PTPRT: variants seen among roughly 807,000 people sequenced by gnomAD.
PTPRT encodes receptor-type tyrosine-protein phosphatase T.
A neutral mutation model predicts 176.8 loss-of-function variants in PTPRT; 56 were observed. That is an observed-to-expected ratio of 0.32 (90% CI 0.26 to 0.40). The LOEUF (loss-of-function observed/expected upper bound fraction) is 0.40. PTPRT is among the 10% of genes least tolerant of loss of function. The pLI is 1.00. For missense variants in PTPRT, 1,540 were observed against 1,908.2 expected (o/e 0.81, Z 3.60); for synonymous variants, 783 against 739.0 (o/e 1.06, Z -0.96).
At chr20:43,154,399 C>T (rs2014455001) in intron 1 of PTPRT, among the ~76,000 whole-genome samples, 1 of 152,156 alleles carries the variant, frequency 6.6e-6, no homozygotes, top group Non-Finnish European at 1.5e-5. Flanking sequence ...AATGCCAGTA[C>T]CATGCTGCTT....
At chr20:42,113,244 A>G (rs906541583) in intron 22 of PTPRT, among the ~76,000 whole-genome samples, 4 of 152,228 alleles carry the variant, frequency 2.6e-5, no homozygotes, top group Admixed American at 6.5e-5. Flanking sequence ...AAGAAAATGT[A>G]ACACGAGAAA....
intron 9 of PTPRT, among the ~76,000 whole-genome samples, chr20:42,444,038 C>T (rs2059341650): frequency 6.6e-6 from 1 of 152,126 alleles, no homozygotes; most frequent in Non-Finnish European, 1.5e-5. Context: ...CCTCCTAGGG[C>T]TTTCCATTCC....
intron 17 of PTPRT, among the ~76,000 whole-genome samples, chr20:42,160,092 A>G (rs1258935646): frequency 6.6e-6 from 1 of 152,138 alleles, no homozygotes; most frequent in Admixed American, 6.5e-5. Context: ...TACTGCACAC[A>G]GCAAAACTGA....
intron 1 of PTPRT, among the ~76,000 whole-genome samples, chr20:42,887,335 C>CA (rs2079119520): frequency 6.6e-6 from 1 of 152,128 alleles, no homozygotes; most frequent in Non-Finnish European, 1.5e-5. Flanking sequence ...CATGTGAGGA[C>CA]ACAAGGAGAA....
chr20:42,486,493 T>C (rs1484588144), intron 7 of PTPRT, among the ~76,000 whole-genome samples: 2 of 152,204 alleles, frequency 1.3e-5, no homozygotes, highest in Admixed American at 1.3e-4. Flanking sequence ...AAAATAATTT[T>C]ACCCTTCCTG....
intron 1 of PTPRT, among the ~76,000 whole-genome samples, chr20:43,153,566 A>G (rs2014428530): frequency 6.6e-6 from 1 of 152,224 alleles, no homozygotes; most frequent in East Asian, 1.9e-4. Context: ...AACTCACATT[A>G]TACATTATTA....
intron 3 of PTPRT, among the ~76,000 whole-genome samples, chr20:42,787,298 T>C (rs552424127): frequency 6.6e-6 from 1 of 152,000 alleles, no homozygotes; most frequent in East Asian, 1.9e-4. Context: ...ATAATGGGAG[T>C]AAACCAGGGT....
At chr20:42,353,143 GC>G (rs2058310766) in intron 9 of PTPRT, among the ~76,000 whole-genome samples, 1 of 152,174 alleles carries the variant, frequency 6.6e-6, no homozygotes, top group African/African-American at 2.4e-5. Context: ...AAGTGCAGTA[GC>G]CCCGTGAGGC....
intron 11 of PTPRT, among the ~76,000 whole-genome samples, chr20:42,328,723 A>G (rs746489900): frequency 1.0e-4 from 13 of 128,926 alleles, no homozygotes; most frequent in Non-Finnish European, 2.2e-4. Flanking sequence ...CTGGAGGTCT[A>G]GTGTTTGAGG....
At chr20:42,624,005 C>CAAAAAAAAAAAA (rs1159094345) in intron 7 of PTPRT, among the ~76,000 whole-genome samples, 24 of 135,742 alleles carry the variant, frequency 1.8e-4, no homozygotes, top group South Asian at 2.3e-4. Context: ...AAAACAATAG[C>CAAAAAAAAAAAA]AACAAACAAA....
In PTPRT at chr20:42,142,095, G is replaced by A. The variant is rs548769819; in HGVS notation, c.2683-93C>T. The A allele has an allele frequency of 8.4e-5, 84 of 1,000,322 alleles. 1 individual carries two copies. In the African/African-American group the frequency reaches 1.1e-3, roughly 13 times the overall value. The allele number at this position is 1,000,322 out of a possible 1,614,324, so 62.0% of individuals were successfully genotyped here. A position where few individuals can be genotyped will look rare whatever the true frequency, so the allele number is the denominator to read the frequency against. On this transcript the variant is annotated intron_variant, in intron 17 of 30. Transcript: ENST00000373187. Reference sequence around the variant, plus strand: ...AACAGGGCAAAGTAAGACCCACTGCGATGGGACTCCTAGTGGAAAGGGATA... The same window carrying A: ...AACAGGGCAAAGTAAGACCCACTGCAATGGGACTCCTAGTGGAAAGGGATA...
chr20:42,294,948 A>C (rs1471939730), intron 12 of PTPRT, among the ~76,000 whole-genome samples: 5 of 152,190 alleles, frequency 3.3e-5, no homozygotes, highest in Non-Finnish European at 7.4e-5. Context: ...GAGATATAGA[A>C]AAAATTAACA....
chr20:42,128,741 T>A lies in PTPRT; in HGVS notation c.2847+13A>T. 2 of 1,580,432 alleles carry A rather than the reference T, an allele frequency of 1.3e-6. No homozygotes were observed. The highest frequency in any genetic ancestry group is 1.7e-6 in the Non-Finnish European group (2 of 1,160,780). On this transcript the variant is annotated intron_variant, in intron 19 of 30. Coordinates refer to ENST00000373187, the MANE Select transcript of PTPRT (RefSeq NM_007050.6). ...AAGCCAGCCCCAGCCCCCAGCCCCA[T>A]TAAGACACTCACGTCAATGTAGTTG...
At position 42,074,074 on chromosome 20, in the gene PTPRT, T is replaced by A. The variant is rs953389755; in HGVS notation, c.*6805A>T. On this transcript the variant is annotated 3_prime_UTR_variant, in exon 31 of 31. Coordinates refer to ENST00000373187, the MANE Select transcript of PTPRT (RefSeq NM_007050.6). Reference sequence around the variant, plus strand: ...CTTCATCCAAGAATCTGCAGAGCTATGGAAGATATGGACACCATATTCTGC... The same window carrying A: ...CTTCATCCAAGAATCTGCAGAGCTAAGGAAGATATGGACACCATATTCTGC... The A allele has an allele frequency of 2.6e-5, 6 of 229,670 alleles. No individual in the cohort carries two copies. Among genetic ancestry groups the A allele is most frequent in the Non-Finnish European group, 2.6e-5 (3 of 115,890 alleles). The allele number at this position is 229,670 out of a possible 1,614,324, so 14.2% of individuals were successfully genotyped here. A position where few individuals can be genotyped will look rare whatever the true frequency, so the allele number is the denominator to read the frequency against.
intron 1 of PTPRT, among the ~76,000 whole-genome samples, chr20:42,948,928 C>A (rs1981058667): frequency 6.6e-6 from 1 of 152,186 alleles, no homozygotes; most frequent in Admixed American, 6.5e-5. Context: ...GGACAGGCTG[C>A]TGGGAACACG....
chr20:42,529,680 G>A (rs1412758633), intron 7 of PTPRT, among the ~76,000 whole-genome samples: 3 of 151,766 alleles, frequency 2.0e-5, no homozygotes, highest in Non-Finnish European at 2.9e-5. Context: ...TAGAGATGAG[G>A]TTTTTCCAGT....
At chr20:43,183,510 A>G (rs2015317632) in intron 1 of PTPRT, among the ~76,000 whole-genome samples, 1 of 152,230 alleles carries the variant, frequency 6.6e-6, no homozygotes, top group Non-Finnish European at 1.5e-5. Context: ...CCCGTGGTCA[A>G]ATAAAAGTTT....
Position 43,020,224 on chromosome 20 carries a change from A to AATAT in PTPRT, c.89-134296_89-134293dup, listed in dbSNP as rs3030256. On this transcript the variant is annotated intron_variant, in intron 1 of 30. Transcript: ENST00000373187. ...AATTATATATGATATTTAATTATGT[A>AATAT]ATATATATATATATATTTATGTTAT... Among the ~76,000 whole-genome samples, 1,120 of 144,976 alleles carry AATAT rather than the reference A, an allele frequency of 7.7e-3. 11 individuals are homozygous for AATAT. Among genetic ancestry groups the AATAT allele is most frequent in the African/African-American group, 0.016 (660 of 40,106 alleles).
At chr20:42,894,041 A>G (rs189649273) in intron 1 of PTPRT, among the ~76,000 whole-genome samples, 1 of 96,630 alleles carries the variant, frequency 1.0e-5, no homozygotes, top group African/African-American at 2.8e-5. Context: ...TTAAAAAATT[A>G]AAAAAAAAAG....
Sources: allele counts gnomAD v4.1 joint callset (sites outside exome capture counted in the v4.1 genomes callset), GRCh38; gene constraint gnomAD v4.1.1; transcripts MANE v1.5; gene names NCBI Gene and HGNC (gene_info 2026-07-23, HGNC 2026-07-21).